Variants in TSHZ2 observed in about 807,000 individuals in gnomAD.
TSHZ2 encodes the protein teashirt homolog 2.
A neutral mutation model predicts 74.4 loss-of-function variants in TSHZ2; 21 were observed. The observed-to-expected ratio is 0.28, with a 90% confidence interval of 0.20 to 0.41. The LOEUF (loss-of-function observed/expected upper bound fraction) is 0.41, where lower values mean the gene tolerates loss of function less well. Ranked by LOEUF, TSHZ2 falls within the 10% of genes least tolerant of loss-of-function variation. The probability of loss-of-function intolerance (pLI) is 1.00; values close to 1 mark genes in which losing one functional copy is unlikely to be tolerated. For missense variants in TSHZ2, 1,244 were observed against 1,293.5 expected, an observed-to-expected ratio of 0.96 and a Z score of 0.59; for synonymous variants, 540 against 515.3, an observed-to-expected ratio of 1.05 and a Z score of -0.65.
chr20:53,090,327 C>T (rs2123258793), intron 1 of TSHZ2, among the ~76,000 whole-genome samples: 1 of 152,270 alleles, frequency 6.6e-6, no homozygotes, highest in South Asian at 2.1e-4. Context: ...TCACAGACAC[C>T]CCCAGAAACA....
intron 2 of TSHZ2, among the ~76,000 whole-genome samples, chr20:53,366,362 C>G (rs959764363): frequency 5.9e-5 from 9 of 152,242 alleles, no homozygotes; most frequent in African/African-American, 2.2e-4. Context: ...GTCCACCTAT[C>G]GTAAAAGTTA....
intron 2 of TSHZ2, among the ~76,000 whole-genome samples, chr20:53,420,021 G>A (rs1160658855): frequency 1.3e-5 from 2 of 152,242 alleles, no homozygotes; most frequent in Non-Finnish European, 2.9e-5. Context: ...GTCATTCACT[G>A]TTCAACTAAC....
At chr20:53,236,327 G>A (rs1989937634) in intron 1 of TSHZ2, among the ~76,000 whole-genome samples, 1 of 152,124 alleles carries the variant, frequency 6.6e-6, no homozygotes, top group Admixed American at 6.5e-5. Flanking sequence ...TATTATGTTT[G>A]TTATTGTTTG....
intron 1 of TSHZ2, among the ~76,000 whole-genome samples, chr20:53,156,529 T>G (rs977345843): frequency 1.3e-5 from 2 of 152,184 alleles, no homozygotes; most frequent in African/African-American, 4.8e-5. Flanking sequence ...AGAGCAAAGC[T>G]TATCACTCTT....
At chr20:53,160,350 C>T (rs184798293) in intron 1 of TSHZ2, among the ~76,000 whole-genome samples, 10 of 152,276 alleles carry the variant, frequency 6.6e-5, no homozygotes, top group Admixed American at 1.3e-4. Flanking sequence ...TATGGCTATG[C>T]CGAGTCTAAT....
chr20:53,472,949 G>T lies in TSHZ2; in HGVS notation c.*9-14195G>T, dbSNP rs550052832. Among the ~76,000 whole-genome samples the T allele has an allele frequency of 2.6e-5, 4 of 152,162 alleles. No homozygotes were observed. The East Asian group carries it at 7.8e-4, about 30-fold the overall frequency. On this transcript the variant is annotated intron_variant, in intron 2 of 2. Transcript: ENST00000371497. ...CACCCGAATACTGCGCTTTTCCGAC[G>T]GGCTTAAAAAACGGCGCACCACGAG...
intron 2 of TSHZ2, among the ~76,000 whole-genome samples, chr20:53,463,447 GA>G (rs1985459886): frequency 7.2e-6 from 1 of 139,230 alleles, no homozygotes; most frequent in African/African-American, 2.7e-5. Flanking sequence ...GGGAGGGAGG[GA>G]AGGAAGGAAG....
intron 1 of TSHZ2, among the ~76,000 whole-genome samples, chr20:53,144,893 T>C (rs1370381803): frequency 6.6e-6 from 1 of 151,842 alleles, no homozygotes; most frequent in East Asian, 1.9e-4. Context: ...ATATGTAGCC[T>C]AAGTATTTTT....
chr20:53,388,604 T>C (rs1982137744), intron 2 of TSHZ2, among the ~76,000 whole-genome samples: 1 of 151,312 alleles, frequency 6.6e-6, no homozygotes, highest in African/African-American at 2.4e-5. Flanking sequence ...TTTTTTTTTT[T>C]TTTTCTTGAG....
At chr20:53,249,853 G>C (rs1036171366) in intron 1 of TSHZ2, among the ~76,000 whole-genome samples, 2 of 152,200 alleles carry the variant, frequency 1.3e-5, no homozygotes, top group African/African-American at 4.8e-5. Context: ...TTAAAAGAGA[G>C]GGCTGTCATG....
At chr20:53,032,356 G>T (rs2123066535) in intron 1 of TSHZ2, among the ~76,000 whole-genome samples, 1 of 152,304 alleles carries the variant, frequency 6.6e-6, no homozygotes, top group South Asian at 2.1e-4. Flanking sequence ...ACCTTCAGGA[G>T]CATATGTACC....
intron 1 of TSHZ2, among the ~76,000 whole-genome samples, chr20:53,200,505 G>A (rs1988976972): frequency 6.6e-6 from 1 of 152,186 alleles, no homozygotes; most frequent in Admixed American, 6.5e-5. Context: ...TTTTGGATGT[G>A]AGAATGCTTA....
At chr20:53,450,156 G>A (rs1984719133) in intron 2 of TSHZ2, among the ~76,000 whole-genome samples, 2 of 152,324 alleles carry the variant, frequency 1.3e-5, no homozygotes, top group Middle Eastern at 3.4e-3. Context: ...AATGAACTGA[G>A]ACACAGTAGT....
intron 1 of TSHZ2, among the ~76,000 whole-genome samples, chr20:53,017,364 T>C (rs1489967457): frequency 6.6e-6 from 1 of 152,206 alleles, no homozygotes; most frequent in Non-Finnish European, 1.5e-5. Context: ...TCTTTCTCCC[T>C]GAGGATCTCT....
chr20:53,356,063 A>G (rs1294314633), intron 2 of TSHZ2, among the ~76,000 whole-genome samples: 1 of 152,202 alleles, frequency 6.6e-6, no homozygotes, highest in Non-Finnish European at 1.5e-5. Flanking sequence ...TTCACACAGG[A>G]CATTGCATTG....
chr20:53,310,383 G>C (rs1978728533), intron 2 of TSHZ2, among the ~76,000 whole-genome samples: 1 of 152,202 alleles, frequency 6.6e-6, no homozygotes, highest in Admixed American at 6.5e-5. Context: ...TCTGAATAAT[G>C]CGTGTATTTG....
intron 1 of TSHZ2, among the ~76,000 whole-genome samples, chr20:53,203,263 C>T (rs1309463790): frequency 4.0e-5 from 6 of 149,180 alleles, no homozygotes; most frequent in Admixed American, 6.7e-5. Context: ...GGCACGATCT[C>T]GGCTCACTGC....
chr20:53,368,790 A>G (rs1600833987), intron 2 of TSHZ2, among the ~76,000 whole-genome samples: 2 of 152,392 alleles, frequency 1.3e-5, no homozygotes, highest in East Asian at 3.9e-4. Flanking sequence ...ATCCAGATCA[A>G]TAAAATTTAT....
Position 53,384,157 on chromosome 20 carries a change from G to C in TSHZ2, c.*9-102987G>C, listed in dbSNP as rs530724053. 4.6e-5 allele frequency among the ~76,000 whole-genome samples: 7 copies of C among 152,288 alleles called. No homozygotes were observed. The South Asian group carries it at 1.5e-3, about 32-fold the overall frequency. On this transcript the variant is annotated intron_variant, in intron 2 of 2. Coordinates refer to ENST00000371497, the MANE Select transcript of TSHZ2 (RefSeq NM_173485.6). ...AGCCGACCAGATTTCCCAGGAGCTG[G>C]GAGAGGCAGAGATTTCTTCCAGAAA...
Sources: allele counts gnomAD v4.1 joint callset (sites outside exome capture counted in the v4.1 genomes callset), GRCh38; gene constraint gnomAD v4.1.1; transcripts MANE v1.5; gene names NCBI Gene and HGNC (gene_info 2026-07-23, HGNC 2026-07-21).